CYP39A1: variants seen among roughly 807,000 people sequenced by gnomAD.
CYP39A1 encodes cytochrome P450 family 39 subfamily A member 1, also known as 24-hydroxycholesterol 7-alpha-hydroxylase.
CYP39A1 carries 49 observed loss-of-function variants against 58.1 expected under a neutral mutation model. That is an observed-to-expected ratio of 0.84 (90% CI 0.67 to 1.07). CYP39A1 has a LOEUF of 1.07. Ranked by LOEUF, CYP39A1 falls within the 50% of genes least tolerant of loss-of-function variation. CYP39A1 has a pLI of 0.00. For missense variants in CYP39A1, 531 were observed against 539.4 expected (o/e 0.98, Z 0.16); for synonymous variants, 209 against 187.6 (o/e 1.11, Z -0.93).
At chr6:46,617,637 T>C (rs897412931) in intron 7 of CYP39A1, among the ~76,000 whole-genome samples, 1 of 152,158 alleles carries the variant, frequency 6.6e-6, no homozygotes, top group Admixed American at 6.6e-5. Context: ...ATTTGTATTG[T>C]CAACTTTCAT....
intron 10 of CYP39A1, among the ~76,000 whole-genome samples, chr6:46,573,449 G>C (rs1325975067): frequency 6.6e-6 from 1 of 152,194 alleles, no homozygotes; most frequent in East Asian, 1.9e-4. Flanking sequence ...GAAGGCAGCA[G>C]TAGTGATGAA....
intron 8 of CYP39A1, among the ~76,000 whole-genome samples, chr6:46,590,113 C>A (rs1269233182): frequency 6.6e-6 from 1 of 152,134 alleles, no homozygotes; most frequent in Non-Finnish European, 1.5e-5. Flanking sequence ...CATCATCACG[C>A]CCAGCCTAAA....
intron 7 of CYP39A1, among the ~76,000 whole-genome samples, chr6:46,605,008 A>G (rs1295794880): frequency 6.6e-6 from 1 of 151,968 alleles, no homozygotes; most frequent in Non-Finnish European, 1.5e-5. Flanking sequence ...TGAGCTTAAA[A>G]AAAAAAAAAA....
intron 5 of CYP39A1, among the ~76,000 whole-genome samples, chr6:46,634,104 C>A (rs2150584628): frequency 6.6e-6 from 1 of 152,254 alleles, no homozygotes; most frequent in East Asian, 1.9e-4. Flanking sequence ...TCTTGAATTC[C>A]CACATGTTGT....
intron 4 of CYP39A1, among the ~76,000 whole-genome samples, chr6:46,636,773 G>C (rs1776014490): frequency 6.6e-6 from 1 of 152,174 alleles, no homozygotes; most frequent in Non-Finnish European, 1.5e-5. Context: ...TGCCTTTACT[G>C]TGGCTGCTGT....
At chr6:46,566,248 T>C (rs148997454) in intron 10 of CYP39A1, among the ~76,000 whole-genome samples, 201 of 152,308 alleles carry the variant, frequency 1.3e-3, no homozygotes, top group African/African-American at 4.2e-3. Context: ...GCTAATAGTT[T>C]GGCTATCTCT....
intron 5 of CYP39A1, among the ~76,000 whole-genome samples, chr6:46,631,503 T>C (rs1775658125): frequency 6.6e-6 from 1 of 152,216 alleles, no homozygotes; most frequent in African/African-American, 2.4e-5. Context: ...CCAAACTGAA[T>C]TGGCAAATTG....
At position 46,652,398 on chromosome 6, in the gene CYP39A1, C is replaced by T. The variant is rs9369628; in HGVS notation, c.177+8G>A. 51,148 of 1,608,390 alleles carry T rather than the reference C, an allele frequency of 0.032. 3,549 individuals are homozygous for T. The highest frequency in any genetic ancestry group is 0.23 in the Admixed American group (13,418 of 58,976). ...CCTCTGGAGACCCCGTCTGCCACGA[C>T]CACATACCTTGATTCTTGCTTTCTC... On this transcript the variant is annotated splice_region_variant and intron_variant, in intron 1 of 11. Transcript: ENST00000275016.
In CYP39A1 at chr6:46,642,157, C is replaced by A. The variant is rs758060011; in HGVS notation, c.313+6G>T. 50 of 1,612,304 alleles carry A rather than the reference C, an allele frequency of 3.1e-5. 1 individual carries two copies. Among genetic ancestry groups the A allele is most frequent in the Admixed American group, 1.2e-4 (7 of 59,904 alleles). ...TTCGAATGGACTATCTGAAAATATTCTTTACCTGTACGATAAACGATATTT... is the reference window on the plus strand; with the variant it reads ...TTCGAATGGACTATCTGAAAATATTATTTACCTGTACGATAAACGATATTT... On this transcript the variant is annotated splice_donor_region_variant and intron_variant, in intron 2 of 11. Transcript: ENST00000275016.
intron 7 of CYP39A1, among the ~76,000 whole-genome samples, chr6:46,603,601 C>A (rs1773648648): frequency 6.6e-6 from 1 of 152,140 alleles, no homozygotes; most frequent in African/African-American, 2.4e-5. Flanking sequence ...CACAAATGTC[C>A]CTGTGGTTTT....
intron 1 of CYP39A1, among the ~76,000 whole-genome samples, chr6:46,647,658 A>C (rs1762408328): frequency 6.6e-6 from 1 of 152,230 alleles, no homozygotes; most frequent in Admixed American, 6.5e-5. Flanking sequence ...TATTTATTGA[A>C]TATTTTTGCA....
chr6:46,566,549 A>G (rs1468787312), intron 10 of CYP39A1, among the ~76,000 whole-genome samples: 1 of 152,142 alleles, frequency 6.6e-6, no homozygotes, highest in African/African-American at 2.4e-5. Context: ...CACTCCTGTG[A>G]TTCAATTATA....
chr6:46,646,183 T>A (rs1762311939), intron 1 of CYP39A1, among the ~76,000 whole-genome samples: 1 of 152,100 alleles, frequency 6.6e-6, no homozygotes, highest in Admixed American at 6.6e-5. Context: ...AACAGAGATC[T>A]TTGCTTTGTT....
At chr6:46,628,139 T>A (rs1775432387) in intron 6 of CYP39A1, among the ~76,000 whole-genome samples, 1 of 152,218 alleles carries the variant, frequency 6.6e-6, no homozygotes, top group African/African-American at 2.4e-5. Flanking sequence ...GGTACTGATT[T>A]ATCTATTCAA....
At chr6:46,555,689 C>T (rs972318165) in intron 10 of CYP39A1, among the ~76,000 whole-genome samples, 3 of 152,158 alleles carry the variant, frequency 2.0e-5, no homozygotes, top group Admixed American at 6.5e-5. Flanking sequence ...TATGTCTTAT[C>T]TTTAAATCAT....
intron 10 of CYP39A1, among the ~76,000 whole-genome samples, chr6:46,561,911 T>C (rs1356557505): frequency 6.6e-6 from 1 of 152,148 alleles, no homozygotes; most frequent in East Asian, 1.9e-4. Context: ...GTTGGGGAAA[T>C]GTTATTCAAG....
intron 5 of CYP39A1, among the ~76,000 whole-genome samples, chr6:46,633,236 C>T (rs958480890): frequency 6.6e-6 from 1 of 152,012 alleles, no homozygotes; most frequent in African/African-American, 2.4e-5. Flanking sequence ...TACTGCTTGT[C>T]TCTATTATAC....
chr6:46,582,984 A>G, intron 10 of CYP39A1: 5 of 804,818 alleles, frequency 6.2e-6, no homozygotes, highest in South Asian at 5.7e-5. Context: ...TATTAGATGG[A>G]CCTCTGATTT....
chr6:46,628,922 A>C (rs1394305691), intron 6 of CYP39A1, among the ~76,000 whole-genome samples: 1 of 152,246 alleles, frequency 6.6e-6, no homozygotes, highest in African/African-American at 2.4e-5. Context: ...ATGCTGAACC[A>C]GGTGCTATTA....
Sources: gnomAD v4.1 joint callset for allele counts (sites outside exome capture counted in the v4.1 genomes callset) on GRCh38, gnomAD v4.1.1 for gene constraint, MANE v1.5 for transcripts, NCBI Gene and HGNC (gene_info 2026-07-23, HGNC 2026-07-21) for gene names.